Variants in NOX4 observed in about 807,000 individuals in gnomAD.
NOX4 encodes kidney oxidase-1.
A neutral mutation model predicts 87.6 loss-of-function variants in NOX4; 69 were observed. The ratio of observed to expected loss-of-function variants is 0.79; its 90% confidence interval spans 0.65 to 0.96. The LOEUF (loss-of-function observed/expected upper bound fraction) is 0.96, where lower values mean the gene tolerates loss of function less well. NOX4 is among the 40% of genes least tolerant of loss of function. NOX4 has a pLI of 0.00. For synonymous variants in NOX4, 275 were observed against 238.2 expected (o/e 1.15, Z -1.42); for missense variants, 680 against 681.5 (o/e 1.00, Z 0.02).
At chr11:89,529,667 CA>C in the NOX4 span, among the ~76,000 whole-genome samples, 1 of 152,208 alleles carries the variant, frequency 6.6e-6, no homozygotes, top group South Asian at 2.1e-4. Context: ...AAATATCAAC[CA>C]ACAATCACTT....
intron 7 of NOX4, among the ~76,000 whole-genome samples, chr11:89,425,759 G>A (rs557093663): frequency 2.0e-5 from 3 of 152,094 alleles, no homozygotes; most frequent in Admixed American, 2.0e-4. Context: ...GTAGACTTGT[G>A]AAATTTTAGG....
chr11:89,398,892 A>G (rs1407695688), intron 11 of NOX4, among the ~76,000 whole-genome samples: 1 of 151,968 alleles, frequency 6.6e-6, no homozygotes, highest in African/African-American at 2.4e-5. Context: ...ATATGGAAAG[A>G]TGTCCATCAC....
intron 8 of NOX4, among the ~76,000 whole-genome samples, chr11:89,413,208 C>T (rs994847173): frequency 2.0e-5 from 3 of 152,034 alleles, no homozygotes; most frequent in African/African-American, 7.2e-5. Flanking sequence ...GAAAAGGGAA[C>T]CCTCATATAC....
chr11:89,540,429 A>AT, the NOX4 span, among the ~76,000 whole-genome samples: 61,340 of 150,032 alleles, frequency 0.41, 13,126 homozygotes, highest in African/African-American at 0.54. Context: ...TTCAAAAGCC[A>AT]TTTTTTTTTC....
At chr11:89,473,334 A>G (rs1156798685) in intron 2 of NOX4, among the ~76,000 whole-genome samples, 2 of 152,230 alleles carry the variant, frequency 1.3e-5, no homozygotes, top group Non-Finnish European at 1.5e-5. Flanking sequence ...GTTACCTCTC[A>G]TCTACTCCTC....
chr11:89,338,109 T>C (rs1446190556), intron 15 of NOX4, among the ~76,000 whole-genome samples: 1 of 152,080 alleles, frequency 6.6e-6, no homozygotes, highest in African/African-American at 2.4e-5. Context: ...CCCGAAGGCT[T>C]TGGCAACCTG....
chr11:89,437,047 T>A (rs757710657), intron 6 of NOX4, among the ~76,000 whole-genome samples: 2 of 151,876 alleles, frequency 1.3e-5, no homozygotes, highest in African/African-American at 4.8e-5. Context: ...CAAAAATCCA[T>A]GAAATCTATT....
At chr11:89,547,768 G>C in the NOX4 span, among the ~76,000 whole-genome samples, 1 of 152,102 alleles carries the variant, frequency 6.6e-6, no homozygotes, top group Non-Finnish European at 1.5e-5. Context: ...TTTAAGGATA[G>C]GTATTGTTTA....
intron 11 of NOX4, among the ~76,000 whole-genome samples, chr11:89,386,861 C>T (rs1940747236): frequency 2.0e-5 from 3 of 152,108 alleles, no homozygotes; most frequent in Admixed American, 1.3e-4. Flanking sequence ...AATTCTTAGT[C>T]CTTTAATACT....
chr11:89,579,723 C>T, the NOX4 span, among the ~76,000 whole-genome samples: 1 of 152,058 alleles, frequency 6.6e-6, no homozygotes, highest in East Asian at 1.9e-4. Context: ...ATAGGGGAAA[C>T]TGTAGGGAGT....
chr11:89,354,099 G>A (rs1329716953), intron 13 of NOX4, among the ~76,000 whole-genome samples: 2 of 152,260 alleles, frequency 1.3e-5, no homozygotes, highest in East Asian at 3.9e-4. Flanking sequence ...ATGAATACTT[G>A]AAAAAACTCT....
At chr11:89,545,212 G>A in the NOX4 span, 13 of 152,088 alleles carry the variant, frequency 8.5e-5, no homozygotes, top group South Asian at 8.3e-4. Context: ...CAGATGCTAG[G>A]CATTTAGTTC....
the NOX4 span, among the ~76,000 whole-genome samples, chr11:89,518,664 C>T: frequency 1.3e-5 from 2 of 151,666 alleles, no homozygotes; most frequent in Non-Finnish European, 2.9e-5. Flanking sequence ...AAAATCACTG[C>T]TCTACACTTT....
chr11:89,414,697 C>G (rs1295097329), intron 8 of NOX4, among the ~76,000 whole-genome samples: 1 of 151,058 alleles, frequency 6.6e-6, no homozygotes, highest in Non-Finnish European at 1.5e-5. Context: ...TTAACAAGGT[C>G]AAACATTTTA....
At chr11:89,339,640 T>C (rs1945887483) in intron 15 of NOX4, among the ~76,000 whole-genome samples, 1 of 152,140 alleles carries the variant, frequency 6.6e-6, no homozygotes, top group East Asian at 1.9e-4. Flanking sequence ...AAAAGTCTGG[T>C]GATTTGCAGT....
At chr11:89,580,742 C>T in the NOX4 span, among the ~76,000 whole-genome samples, 28 of 152,122 alleles carry the variant, frequency 1.8e-4, no homozygotes, top group African/African-American at 6.7e-4. Context: ...AAGGCAGATA[C>T]AAAATAATCA....
the NOX4 span, among the ~76,000 whole-genome samples, chr11:89,516,717 G>T: frequency 1.3e-5 from 2 of 151,916 alleles, no homozygotes; most frequent in African/African-American, 2.4e-5. Flanking sequence ...GTCATATTTT[G>T]GGTCTTACTC....
At chr11:89,416,730 G>C (rs1942797301) in intron 8 of NOX4, among the ~76,000 whole-genome samples, 1 of 151,946 alleles carries the variant, frequency 6.6e-6, no homozygotes, top group Non-Finnish European at 1.5e-5. Context: ...TGCTCCCCTG[G>C]CATAAAGAAT....
the NOX4 span, among the ~76,000 whole-genome samples, chr11:89,586,414 T>C: frequency 6.6e-6 from 1 of 152,204 alleles, no homozygotes; most frequent in African/African-American, 2.4e-5. Context: ...GAGGCAAATG[T>C]GATTTTGAGA....
Sources: allele counts gnomAD v4.1 joint callset (sites outside exome capture counted in the v4.1 genomes callset), GRCh38; gene constraint gnomAD v4.1.1; transcripts MANE v1.5; gene names NCBI Gene and HGNC (gene_info 2026-07-23, HGNC 2026-07-21).